The following PHF21A variants were observed in gnomAD, a reference collection of about 807,000 sequenced individuals.
PHF21A encodes the protein PHD finger protein 21A, also known as BHC80a.
In PHF21A, 11 loss-of-function variants were observed where a neutral mutation model predicts 82.5. That is an observed-to-expected ratio of 0.13 (90% CI 0.08 to 0.22). The LOEUF is 0.22. Among genes scored for constraint, PHF21A ranks in the 10% least tolerant of loss-of-function variants. The pLI is 1.00. For missense variants in PHF21A, 579 were observed against 837.8 expected, an observed-to-expected ratio of 0.69 and a Z score of 3.81; for synonymous variants, 297 against 302.8, an observed-to-expected ratio of 0.98 and a Z score of 0.20.
chr11:46,041,833 G>A (rs541259082), intron 6 of PHF21A, among the ~76,000 whole-genome samples: 3 of 152,206 alleles, frequency 2.0e-5, no homozygotes, highest in African/African-American at 7.2e-5. Context: ...AAGTACGCCA[G>A]ATGACATTAT....
intron 7 of PHF21A, among the ~76,000 whole-genome samples, chr11:45,972,369 A>G (rs1353386550): frequency 6.6e-6 from 1 of 152,204 alleles, no homozygotes; most frequent in Non-Finnish European, 1.5e-5. Context: ...ACATTTCAGG[A>G]ACATGAAAAT....
At chr11:46,050,408 T>C (rs545777184) in intron 6 of PHF21A, among the ~76,000 whole-genome samples, 5 of 152,226 alleles carry the variant, frequency 3.3e-5, no homozygotes, top group African/African-American at 7.2e-5. Context: ...TGTGAGCATG[T>C]TGGGGAGAGC....
intron 6 of PHF21A, among the ~76,000 whole-genome samples, chr11:45,983,297 G>A (rs2094373633): frequency 2.6e-5 from 4 of 151,406 alleles, no homozygotes; most frequent in Admixed American, 2.0e-4. Flanking sequence ...CAGTCCTTGA[G>A]AGGAGGGAAA....
At chr11:46,090,938 C>T (rs2096917305) in intron 2 of PHF21A, among the ~76,000 whole-genome samples, 1 of 152,110 alleles carries the variant, frequency 6.6e-6, no homozygotes, top group Admixed American at 6.6e-5. Flanking sequence ...TTTGCAACCT[C>T]TGGTATAAAT....
chr11:45,951,743 T>C (rs1401646260), intron 11 of PHF21A, among the ~76,000 whole-genome samples: 4 of 152,182 alleles, frequency 2.6e-5, no homozygotes, highest in Admixed American at 2.0e-4. Flanking sequence ...AAATCATCTT[T>C]GCCAGTTTAG....
At chr11:45,958,434 A>ATG (rs2092841997) in intron 10 of PHF21A, among the ~76,000 whole-genome samples, 1 of 29,694 alleles carries the variant, frequency 3.4e-5, no homozygotes, top group African/African-American at 7.8e-5. Context: ...ATATATATAT[A>ATG]TATATATATA....
chr11:46,020,265 C>G (rs2095602693), intron 6 of PHF21A, among the ~76,000 whole-genome samples: 2 of 152,186 alleles, frequency 1.3e-5, no homozygotes, highest in Non-Finnish European at 2.9e-5. Context: ...TTCATTCACA[C>G]ATCTGCAGAG....
intron 8 of PHF21A, chr11:45,970,657 C>T (rs577322372): frequency 6.5e-6 from 1 of 153,204 alleles, no homozygotes; most frequent in Non-Finnish European, 1.4e-5. Context: ...TTTTAAAGTG[C>T]CTCAACTAAC....
chr11:45,965,642 C>T (rs779470618), intron 9 of PHF21A, 34 bp from the exon 10 acceptor site: 11 of 1,480,340 alleles, frequency 7.4e-6, no homozygotes, highest in South Asian at 6.9e-5. Context: ...TATTGTATTA[C>T]TTAAGCTGCT....
At chr11:46,074,197 ATAAT>A (rs924898182) in intron 6 of PHF21A, among the ~76,000 whole-genome samples, 40 of 152,214 alleles carry the variant, frequency 2.6e-4, no homozygotes, top group African/African-American at 8.7e-4. Flanking sequence ...CATTATTTGT[ATAAT>A]TAAAGTTTTC....
chr11:45,953,836 G>C (rs575865434), intron 10 of PHF21A, among the ~76,000 whole-genome samples: 1 of 152,298 alleles, frequency 6.6e-6, no homozygotes, highest in South Asian at 2.1e-4. Context: ...TGCATGGCTA[G>C]AGTAAATATG....
intron 6 of PHF21A, among the ~76,000 whole-genome samples, chr11:46,013,831 A>T (rs2095460674): frequency 6.6e-6 from 1 of 152,184 alleles, no homozygotes; most frequent in Non-Finnish European, 1.5e-5. Flanking sequence ...CAGTAAAAAT[A>T]CACTACGAAA....
rs58644528 is a variant in PHF21A, at chr11:45,964,200, AAATAATAATAATAAT to A, written c.996+1100_996+1114del. On this transcript the variant is annotated intron_variant, in intron 10 of 18. Coordinates refer to ENST00000676320, the MANE Select transcript of PHF21A (RefSeq NM_001352027.3). ...GCAACAAGAGTGAAACTCCATCTCAAAATAATAATAATAATAATAATAATAATAATAATAATTTAT... is the reference window on the plus strand; with the variant it reads ...GCAACAAGAGTGAAACTCCATCTCAAAATAATAATAATAATAATAATTTAT... 2.2e-5 allele frequency among the ~76,000 whole-genome samples: 3 copies of A among 134,608 alleles called. No individual in the cohort carries two copies. In the South Asian group the frequency reaches 7.4e-4, roughly 33 times the overall value. The allele number at this position is 134,608 out of a possible 152,430, so 88.3% of individuals were successfully genotyped here.
intron 6 of PHF21A, among the ~76,000 whole-genome samples, chr11:45,985,919 A>G (rs2094474304): frequency 6.6e-6 from 1 of 152,188 alleles, no homozygotes; most frequent in Admixed American, 6.5e-5. Flanking sequence ...AAACAAATTG[A>G]CAACAGCAGC....
chr11:46,107,346 T>C (rs1197697679), intron 1 of PHF21A, among the ~76,000 whole-genome samples: 3 of 152,196 alleles, frequency 2.0e-5, no homozygotes, highest in Admixed American at 1.3e-4. Flanking sequence ...ATCCATAACA[T>C]TAATTGAGCC....
At chr11:45,968,239 G>A (rs1366884516) in intron 9 of PHF21A, among the ~76,000 whole-genome samples, 1 of 152,190 alleles carries the variant, frequency 6.6e-6, no homozygotes, top group Non-Finnish European at 1.5e-5. Context: ...GAGGCAAGAA[G>A]GAATTTTCTA....
intron 6 of PHF21A, among the ~76,000 whole-genome samples, chr11:46,025,821 G>A (rs572427596): frequency 2.0e-5 from 3 of 152,088 alleles, no homozygotes; most frequent in Admixed American, 1.3e-4. Context: ...CAGAGTCATC[G>A]GCAGATATGT....
rs540312951 is a variant in PHF21A at position 46,047,806 on chromosome 11, A to G, written c.153+28948T>C. On this transcript the variant is annotated intron_variant, in intron 6 of 18. Transcript: ENST00000676320. Reference sequence around the variant, plus strand: ...TGAGGTCCAGTGGGGATCAAATTACATAAAGCATGTGAAAACTCTGGGTAA... The same window carrying G: ...TGAGGTCCAGTGGGGATCAAATTACGTAAAGCATGTGAAAACTCTGGGTAA... Among the ~76,000 whole-genome samples, 6 of 152,326 alleles carry G rather than the reference A, an allele frequency of 3.9e-5. No homozygotes were observed. The East Asian group carries it at 1.2e-3, about 29-fold the overall frequency.
chr11:45,938,731 T>A (rs748084478), intron 15 of PHF21A, among the ~76,000 whole-genome samples: 1 of 152,212 alleles, frequency 6.6e-6, no homozygotes, highest in Non-Finnish European at 1.5e-5. Flanking sequence ...AGGTCTATCT[T>A]CTTTTTTCTT....
Sources: allele counts gnomAD v4.1 joint callset (sites outside exome capture counted in the v4.1 genomes callset), GRCh38; gene constraint gnomAD v4.1.1; transcripts MANE v1.5; gene names NCBI Gene and HGNC (gene_info 2026-07-23, HGNC 2026-07-21).